ZNF277: variants seen among roughly 807,000 people sequenced by gnomAD.
ZNF277 encodes zinc finger protein 277, also known as nuclear receptor-interacting factor 4.
In ZNF277, 55 loss-of-function variants were observed where a neutral mutation model predicts 60.7. The ratio of observed to expected loss-of-function variants is 0.91; its 90% CI spans 0.73 to 1.13. The LOEUF (loss-of-function observed/expected upper bound fraction) is 1.13. Among genes scored for constraint, ZNF277 ranks in the 50% most tolerant of loss-of-function variants. The pLI is 0.00. For missense variants in ZNF277, 510 were observed against 523.0 expected (o/e 0.98, Z 0.24); for synonymous variants, 178 against 179.3 (o/e 0.99, Z 0.06).
At chr7:112,208,842 G>A (rs1821656316) in intron 1 of ZNF277, among the ~76,000 whole-genome samples, 1 of 151,884 alleles carries the variant, frequency 6.6e-6, no homozygotes, top group South Asian at 2.1e-4. Context: ...CAACAAGCCC[G>A]GCTAGTTTTT....
chr7:112,301,840 C>T (rs539000353), intron 4 of ZNF277, among the ~76,000 whole-genome samples: 1 of 152,216 alleles, frequency 6.6e-6, no homozygotes, highest in African/African-American at 2.4e-5. Context: ...CTGAGGCTTG[C>T]TCTTACGTAT....
chr7:112,339,996 G>A, intron 10 of ZNF277, 111 bp downstream of exon 10: 1 of 940,880 alleles, frequency 1.1e-6, no homozygotes, highest in Non-Finnish European at 1.7e-6. Flanking sequence ...ACCAAAACAT[G>A]TCTCTCTATA....
In ZNF277 at chr7:112,330,221, G is replaced by A; in HGVS notation, c.801+5G>A. 5.0e-6 allele frequency: 8 copies of A among 1,611,574 alleles called. No individual in the cohort carries two copies. Among genetic ancestry groups the A allele is most frequent in the Admixed American group, 1.7e-5 (1 of 59,924 alleles). ...TTTTATGTCATCAATTATTTGGTAA[G>A]GCTTTCTTTTCATAACTTAAAATTT... On this transcript the variant is annotated splice_donor_5th_base_variant and intron_variant, in intron 7 of 11. Coordinates refer to ENST00000361822, the MANE Select transcript of ZNF277 (RefSeq NM_021994.3).
At chr7:112,318,411 A>C (rs1332882708) in intron 5 of ZNF277, 138 bp downstream of exon 5, 6 of 664,576 alleles carry the variant, frequency 9.0e-6, no homozygotes. Context: ...CTTTTTAAAA[A>C]TATACCCAAC....
Position 112,266,756 on chromosome 7 carries a change from T to A in ZNF277, c.92-20117T>A, listed in dbSNP as rs548065054. On this transcript the variant is annotated intron_variant, in intron 1 of 11. Transcript: ENST00000361822. ...CTAAAAGAATTGCTTCACCAAAAAC[T>A]TGTAATATCAGCAGTGTTGTGGTTT... Among the ~76,000 whole-genome samples, 20 of 152,298 alleles carry A rather than the reference T, an allele frequency of 1.3e-4. No homozygotes were observed. In the South Asian group the frequency reaches 1.4e-3, roughly 11 times the overall value.
intron 10 of ZNF277, 83 bp downstream of exon 10, chr7:112,339,968 A>G (rs1404587492): frequency 5.4e-6 from 7 of 1,306,990 alleles, no homozygotes; most frequent in African/African-American, 2.9e-5. Context: ...TTCAGTAGCT[A>G]TGATTGGAGA....
chr7:112,210,566 G>C (rs143104708), intron 1 of ZNF277, among the ~76,000 whole-genome samples: 2,859 of 151,686 alleles, frequency 0.019, 90 homozygotes, highest in African/African-American at 0.065. Flanking sequence ...CCGCCTCCCG[G>C]GTTCAAGTGA....
intron 1 of ZNF277, among the ~76,000 whole-genome samples, chr7:112,223,243 G>A (rs147078954): frequency 3.9e-5 from 6 of 152,104 alleles, no homozygotes; most frequent in East Asian, 1.9e-4. Context: ...GATGAGATTC[G>A]GGGCCATTTC....
rs917615102 is a variant in ZNF277 at position 112,290,558 on chromosome 7, A to T, written c.293+3484A>T. Among the ~76,000 whole-genome samples the T allele has an allele frequency of 1.3e-5, 2 of 152,174 alleles. 1 individual carries two copies. On this transcript the variant is annotated intron_variant, in intron 2 of 11. Coordinates refer to ENST00000361822, the MANE Select transcript of ZNF277 (RefSeq NM_021994.3). Reference sequence around the variant, plus strand: ...GTGCTTTCTAAAGTGTATCTTTAACATGTATTTGAAATATGGAAACCTAGA... The same window carrying T: ...GTGCTTTCTAAAGTGTATCTTTAACTTGTATTTGAAATATGGAAACCTAGA...
chr7:112,290,729 A>G (rs1353240100), intron 2 of ZNF277, among the ~76,000 whole-genome samples: 1 of 152,180 alleles, frequency 6.6e-6, no homozygotes, highest in Non-Finnish European at 1.5e-5. Flanking sequence ...TTCTTTAGAT[A>G]ATAACCTCCT....
chr7:112,306,953 G>A (rs1448726143), intron 4 of ZNF277, among the ~76,000 whole-genome samples: 1 of 151,898 alleles, frequency 6.6e-6, no homozygotes, highest in African/African-American at 2.4e-5. Flanking sequence ...ATACCGTTGA[G>A]AAGAAAAACT....
At chr7:112,298,098 A>G (rs942037706) in intron 4 of ZNF277, among the ~76,000 whole-genome samples, 2 of 152,222 alleles carry the variant, frequency 1.3e-5, no homozygotes, top group Admixed American at 1.3e-4. Flanking sequence ...GTAGATGCCT[A>G]TACAAAGAAG....
At chr7:112,256,373 G>A (rs1028743203) in intron 1 of ZNF277, among the ~76,000 whole-genome samples, 2 of 149,140 alleles carry the variant, frequency 1.3e-5, no homozygotes, top group African/African-American at 2.5e-5. Context: ...GGGTATGTTA[G>A]CCATTTAAGA....
chr7:112,248,369 A>G (rs1226931182), intron 1 of ZNF277, among the ~76,000 whole-genome samples: 1 of 151,806 alleles, frequency 6.6e-6, no homozygotes, highest in Admixed American at 6.6e-5. Flanking sequence ...CATAAAGAGA[A>G]CAGCATTAAA....
chr7:112,223,249 A>G (rs1822081755), intron 1 of ZNF277, among the ~76,000 whole-genome samples: 1 of 152,276 alleles, frequency 6.6e-6, no homozygotes, highest in African/African-American at 2.4e-5. Context: ...ATTCGGGGCC[A>G]TTTCAGGATC....
intron 1 of ZNF277, among the ~76,000 whole-genome samples, chr7:112,254,948 G>A (rs920336553): frequency 2.6e-5 from 4 of 152,122 alleles, no homozygotes; most frequent in Admixed American, 6.6e-5. Flanking sequence ...ACTCCAGCCT[G>A]GGTGACAGAG....
intron 1 of ZNF277, among the ~76,000 whole-genome samples, chr7:112,218,534 A>G (rs1004583581): frequency 6.6e-6 from 1 of 152,270 alleles, no homozygotes; most frequent in Admixed American, 6.5e-5. Flanking sequence ...AGTGTTATTA[A>G]TAATAGTTAC....
In ZNF277 at chr7:112,330,188, A is replaced by G; in HGVS notation, c.773A>G (p.Tyr258Cys). The change falls in exon 7 of 12, where the codon TAT (tyrosine) becomes TGT (cysteine). Residue 258 changes from tyrosine (Y) to cysteine (C), a missense_variant. By Grantham distance (194) the Tyr-to-Cys change is radical. Transcript: ENST00000361822. Reference sequence around the variant, plus strand: ...AAGATTAATCCTAAGAACAGAGAATATGACAGATTTTATGTCATCAATTAT... The same window carrying G: ...AAGATTAATCCTAAGAACAGAGAATGTGACAGATTTTATGTCATCAATTAT... ...HRKINPKNRE[Y>C]DRFYVINYLE... is the part of the protein sequence containing the mutation. 6.2e-7 allele frequency: 1 copy of G among 1,613,066 alleles called. No individual in the cohort carries two copies. The highest frequency in any genetic ancestry group is 1.3e-5 in the African/African-American group (1 of 75,046).
At chr7:112,287,598 C>A (rs2117063133) in intron 2 of ZNF277, 1 of 151,228 alleles carries the variant, frequency 6.6e-6, no homozygotes, top group East Asian at 1.9e-4. Context: ...ACGATCTCAG[C>A]TTGTTGCAAC....
Sources: gnomAD v4.1 joint callset for allele counts (sites outside exome capture counted in the v4.1 genomes callset) on GRCh38, gnomAD v4.1.1 for gene constraint, MANE v1.5 for transcripts, NCBI Gene and HGNC (gene_info 2026-07-23, HGNC 2026-07-21) for gene names.